Variants in SEPTIN9 observed in about 807,000 individuals in gnomAD.
SEPTIN9 encodes the protein septin-9.
Under a neutral mutation model 56.6 loss-of-function variants are expected in SEPTIN9, and 13 were observed. The ratio of observed to expected loss-of-function variants is 0.23; its 90% CI spans 0.15 to 0.37. The LOEUF is 0.37. SEPTIN9 is among the 10% of genes least tolerant of loss of function. The pLI is 1.00. For synonymous variants in SEPTIN9, 332 were observed against 334.1 expected (o/e 0.99, Z 0.07); for missense variants, 650 against 823.1 (o/e 0.79, Z 2.57).
intron 2 of SEPTIN9, among the ~76,000 whole-genome samples, chr17:77,397,677 T>G (rs912641536): frequency 6.6e-6 from 1 of 151,952 alleles, no homozygotes; most frequent in Non-Finnish European, 1.5e-5. Context: ...TGAGATGAAG[T>G]CTTGCTTTGT....
intron 1 of SEPTIN9, chr17:77,281,814 C>T (rs1034841781): frequency 1.0e-5 from 5 of 480,166 alleles, no homozygotes; most frequent in African/African-American, 2.1e-5. Context: ...CTTCCTCGCC[C>T]CTTGCACCCT....
At chr17:77,480,406 G>A (rs1242649609) in intron 3 of SEPTIN9, among the ~76,000 whole-genome samples, 6 of 152,188 alleles carry the variant, frequency 3.9e-5, no homozygotes, top group African/African-American at 1.4e-4. Context: ...GGCTTGAATC[G>A]GCTGGGGATG....
intron 1 of SEPTIN9, among the ~76,000 whole-genome samples, chr17:77,303,301 A>G (rs541260381): frequency 6.6e-6 from 1 of 151,476 alleles, no homozygotes; most frequent in Non-Finnish European, 1.5e-5. Flanking sequence ...GGGTTTCCCT[A>G]TGTTGGTCAG....
rs1033339340 is a variant in SEPTIN9 at position 77,466,636 on chromosome 17, G to A, written c.722-15508G>A. ...GCAGGAGGTGTGGAGGGTAGGCCAG[G>A]ACCAGAAGGCACACAGGGTCGGGGC... is the stretch of plus-strand genomic sequence containing the variant. On this transcript the variant is annotated intron_variant, in intron 3 of 11. Transcript: ENST00000427177. 7 of 969,218 alleles carry A rather than the reference G, an allele frequency of 7.2e-6. No individual in the cohort carries two copies. In the African/African-American group the frequency reaches 8.8e-5, roughly 12 times the overall value. The allele number at this position is 969,218 out of a possible 1,614,324, so 60.0% of individuals were successfully genotyped here.
chr17:77,406,852 G>C (rs184959024), intron 3 of SEPTIN9, among the ~76,000 whole-genome samples: 2 of 152,034 alleles, frequency 1.3e-5, no homozygotes, highest in African/African-American at 4.8e-5. Context: ...TGTATTTTTA[G>C]TAGAGACGGG....
At chr17:77,332,740 G>A (rs959971808) in intron 2 of SEPTIN9, among the ~76,000 whole-genome samples, 3 of 152,018 alleles carry the variant, frequency 2.0e-5, no homozygotes, top group Non-Finnish European at 2.9e-5. Context: ...TTTCCACCAC[G>A]AAATAATTTT....
rs893395779 is a variant in SEPTIN9 at position 77,310,429 on chromosome 17, A to G, written c.76+3232A>G. Among the ~76,000 whole-genome samples, 1 of 152,164 alleles carries G rather than the reference A, an allele frequency of 6.6e-6. No homozygotes were observed. The highest frequency in any genetic ancestry group is 1.5e-5 in the Non-Finnish European group (1 of 68,030). On this transcript the variant is annotated intron_variant, in intron 2 of 11. Transcript: ENST00000427177. This position sits in a 1 kb window ranked among gnomAD's most constrained non-coding sequence, Gnocchi z 4.7. The stretch of plus-strand genomic sequence containing the variant: ...CTGTGCCCACAACGTGACGGCGTGG[A>G]GACTTATCCGTGTAGATCCACGAAG...
chr17:77,355,841 G>T (rs917747249), intron 2 of SEPTIN9, among the ~76,000 whole-genome samples: 1 of 151,530 alleles, frequency 6.6e-6, no homozygotes, highest in Non-Finnish European at 1.5e-5. Flanking sequence ...AATTAGCCGG[G>T]CGTGGTGGCG....
intron 3 of SEPTIN9, among the ~76,000 whole-genome samples, chr17:77,428,368 C>G (rs759723244): frequency 6.6e-6 from 1 of 152,202 alleles, no homozygotes; most frequent in Non-Finnish European, 1.5e-5. Context: ...GCGAAGCGGT[C>G]AAGGGAGGGC....
chr17:77,376,091 G>C (rs935641851), intron 2 of SEPTIN9: 2 of 986,172 alleles, frequency 2.0e-6, no homozygotes, highest in African/African-American at 3.5e-5. Flanking sequence ...AAGTCAGTAT[G>C]GAGGAGGCGG....
rs972215092 is a variant in SEPTIN9, at chr17:77,456,022, A to C, written c.722-26122A>C. 6.6e-6 allele frequency among the ~76,000 whole-genome samples: 1 copy of C among 152,192 alleles called. No homozygotes were observed. Among genetic ancestry groups the C allele is most frequent in the Non-Finnish European group, 1.5e-5 (1 of 68,028 alleles). ...TTCCCGGCACCGCTTCCCATGCGCCACGTGACTAGGAGGGTCTTGGGGCAG... is the reference window on the plus strand; with the variant it reads ...TTCCCGGCACCGCTTCCCATGCGCCCCGTGACTAGGAGGGTCTTGGGGCAG... On this transcript the variant is annotated intron_variant, in intron 3 of 11. Transcript: ENST00000427177. The surrounding 1 kb of genome is among the most constrained non-coding windows in gnomAD (Gnocchi z 6.0).
intron 2 of SEPTIN9, among the ~76,000 whole-genome samples, chr17:77,393,521 A>G (rs2035610241): frequency 1.3e-5 from 2 of 152,176 alleles, no homozygotes; most frequent in Non-Finnish European, 2.9e-5. Context: ...AGGAGATGGT[A>G]ATTACACCAG....
intron 2 of SEPTIN9, among the ~76,000 whole-genome samples, chr17:77,397,223 T>C (rs1325049947): frequency 6.6e-6 from 1 of 152,288 alleles, no homozygotes; most frequent in Admixed American, 6.5e-5. Flanking sequence ...CTCCGACAGC[T>C]CGAGGGGAGG....
rs1598266963 is a variant in SEPTIN9, at chr17:77,371,370, G to A, written c.77-30689G>A. Among the ~76,000 whole-genome samples, 2 of 152,228 alleles carry A rather than the reference G, an allele frequency of 1.3e-5. No homozygotes were observed. Among genetic ancestry groups the A allele is most frequent in the South Asian group, 4.1e-4 (2 of 4,832 alleles). ...GTTTGCTGCACTGTGCGTGGAGATG[G>A]AGAATGTACAATTGGCTGACCCTGT... On this transcript the variant is annotated intron_variant, in intron 2 of 11. Coordinates refer to ENST00000427177, the MANE Select transcript of SEPTIN9 (RefSeq NM_001113491.2). This position sits in a 1 kb window ranked among gnomAD's most constrained non-coding sequence, Gnocchi z 4.1.
At chr17:77,431,178 G>A (rs993433749) in intron 3 of SEPTIN9, among the ~76,000 whole-genome samples, 10 of 152,072 alleles carry the variant, frequency 6.6e-5, no homozygotes, top group Admixed American at 5.9e-4. Context: ...GGGTAGTGGC[G>A]CTTGCCTGTA....
rs181884190 is a variant in SEPTIN9 at position 77,312,949 on chromosome 17, G to T, written c.76+5752G>T. ...ACATGTGGCTGCCATATTGACTACGGCAGATACAGAACATTGACATCATTG... is the reference window on the plus strand; with the variant it reads ...ACATGTGGCTGCCATATTGACTACGTCAGATACAGAACATTGACATCATTG... On this transcript the variant is annotated intron_variant, in intron 2 of 11. Transcript: ENST00000427177. Among the ~76,000 whole-genome samples the T allele has an allele frequency of 1.6e-3, 250 of 152,314 alleles. 1 individual carries two copies. The highest frequency in any genetic ancestry group is 5.8e-3 in the African/African-American group (240 of 41,572).
At chr17:77,413,774 T>A (rs1456135987) in intron 3 of SEPTIN9, among the ~76,000 whole-genome samples, 1 of 151,872 alleles carries the variant, frequency 6.6e-6, no homozygotes, top group African/African-American at 2.4e-5. Context: ...GAGAGCAGCT[T>A]TCAAAACCAG....
chr17:77,416,720 C>T (rs1351359345), intron 3 of SEPTIN9, among the ~76,000 whole-genome samples: 2 of 152,218 alleles, frequency 1.3e-5, no homozygotes, highest in African/African-American at 4.8e-5. Context: ...AGCAGCCCTG[C>T]TGGGTGGCAG....
At chr17:77,373,710 C>T (rs1022842023) in intron 2 of SEPTIN9, 5 of 1,323,528 alleles carry the variant, frequency 3.8e-6, no homozygotes, top group Middle Eastern at 2.8e-4. Context: ...GCGCCGCGCG[C>T]CCCCGGCCCC....
Sources: gnomAD v4.1 joint callset for allele counts (sites outside exome capture counted in the v4.1 genomes callset) on GRCh38, gnomAD v4.1.1 for gene constraint, Gnocchi (gnomAD v3.1) non-coding constraint, MANE v1.5 for transcripts, NCBI Gene and HGNC (gene_info 2026-07-23, HGNC 2026-07-21) for gene names.